The following ZMAT4 variants were observed in gnomAD, a reference collection of about 807,000 sequenced individuals.
ZMAT4 encodes the protein zinc finger matrin-type protein 4.
In ZMAT4, 17 loss-of-function variants were observed where a neutral mutation model predicts 28.7. The observed-to-expected ratio is 0.59, with a 90% CI of 0.41 to 0.89. The LOEUF is 0.89. ZMAT4 is among the 40% of genes least tolerant of loss of function. The pLI is 0.00. For synonymous variants in ZMAT4, 117 were observed against 109.2 expected, an observed-to-expected ratio of 1.07 and a Z score of -0.44; for missense variants, 240 against 283.8, an observed-to-expected ratio of 0.85 and a Z score of 1.11.
intron 3 of ZMAT4, among the ~76,000 whole-genome samples, chr8:40,705,010 T>C (rs1463343780): frequency 6.6e-6 from 1 of 152,224 alleles, no homozygotes; most frequent in African/African-American, 2.4e-5. Context: ...ATATATGCCC[T>C]GCTGTTTGGA....
intron 5 of ZMAT4, among the ~76,000 whole-genome samples, chr8:40,629,023 T>C (rs1036422359): frequency 6.8e-6 from 1 of 147,458 alleles, no homozygotes; most frequent in Non-Finnish European, 1.5e-5. Context: ...TTTTTTTTAA[T>C]GTCTTTATTC....
At chr8:40,550,739 T>C (rs1050799758) in intron 6 of ZMAT4, among the ~76,000 whole-genome samples, 2 of 152,130 alleles carry the variant, frequency 1.3e-5, no homozygotes, top group African/African-American at 4.8e-5. Context: ...CCTTCCACCA[T>C]GATTGTAAGT....
At chr8:40,682,379 T>C (rs1809210272) in intron 4 of ZMAT4, among the ~76,000 whole-genome samples, 2 of 152,210 alleles carry the variant, frequency 1.3e-5, no homozygotes, top group Non-Finnish European at 2.9e-5. Flanking sequence ...GAATATAATG[T>C]GAAAGTACCA....
chr8:40,616,000 T>C (rs1380822687), intron 5 of ZMAT4, among the ~76,000 whole-genome samples: 1 of 152,182 alleles, frequency 6.6e-6, no homozygotes, highest in Non-Finnish European at 1.5e-5. Flanking sequence ...GAAAAAGGGC[T>C]AATATCCAGA....
At chr8:40,704,388 T>C (rs1810268832) in intron 3 of ZMAT4, among the ~76,000 whole-genome samples, 1 of 152,190 alleles carries the variant, frequency 6.6e-6, no homozygotes, top group African/African-American at 2.4e-5. Context: ...TCTCTCCTCC[T>C]GACCTGTTTA....
At chr8:40,740,077 C>T (rs928120522) in intron 3 of ZMAT4, among the ~76,000 whole-genome samples, 1 of 152,176 alleles carries the variant, frequency 6.6e-6, no homozygotes, top group Non-Finnish European at 1.5e-5. Flanking sequence ...CAAGTCTTTG[C>T]TATTGTAAAT....
At chr8:40,827,166 C>T (rs1358799802) in intron 1 of ZMAT4, among the ~76,000 whole-genome samples, 1 of 152,126 alleles carries the variant, frequency 6.6e-6, no homozygotes, top group Admixed American at 6.5e-5. Flanking sequence ...AGGTCTGATG[C>T]TACCACATGG....
chr8:40,790,911 T>C (rs1490012898), intron 2 of ZMAT4, among the ~76,000 whole-genome samples: 1 of 152,222 alleles, frequency 6.6e-6, no homozygotes, highest in Non-Finnish European at 1.5e-5. Flanking sequence ...ATCAAGACAG[T>C]GTGGTATTAC....
chr8:40,764,456 G>A (rs1013967605), intron 3 of ZMAT4, among the ~76,000 whole-genome samples: 8 of 152,162 alleles, frequency 5.3e-5, no homozygotes, highest in South Asian at 2.1e-4. Context: ...CCTTCACTGC[G>A]TTTGTAAGTA....
intron 2 of ZMAT4, among the ~76,000 whole-genome samples, chr8:40,818,727 C>A (rs1324973930): frequency 1.3e-5 from 2 of 152,280 alleles, no homozygotes; most frequent in East Asian, 3.9e-4. Flanking sequence ...TACTCAAGTC[C>A]GGTTGGGGCA....
intron 1 of ZMAT4, among the ~76,000 whole-genome samples, chr8:40,891,222 G>GGAGAA (rs1818663478): frequency 8.3e-6 from 1 of 121,152 alleles, no homozygotes; most frequent in African/African-American, 3.1e-5. Flanking sequence ...GGAGAGGAGA[G>GGAGAA]GAGAAGACTT....
At chr8:40,534,169 C>T (rs1802777036) in intron 6 of ZMAT4, among the ~76,000 whole-genome samples, 1 of 152,000 alleles carries the variant, frequency 6.6e-6, no homozygotes, top group African/African-American at 2.4e-5. Flanking sequence ...TTTTTATAGT[C>T]ATTGTAATTA....
intron 2 of ZMAT4, among the ~76,000 whole-genome samples, chr8:40,785,969 T>A (rs1434273017): frequency 6.6e-6 from 1 of 152,090 alleles, no homozygotes; most frequent in African/African-American, 2.4e-5. Context: ...TATTTTTTTT[T>A]AAAGGAGAGA....
intron 1 of ZMAT4, among the ~76,000 whole-genome samples, chr8:40,869,973 C>T (rs1006015158): frequency 3.3e-5 from 5 of 152,162 alleles, no homozygotes; most frequent in Non-Finnish European, 7.3e-5. Context: ...GGACACACCA[C>T]CCCAAAATAT....
intron 6 of ZMAT4, among the ~76,000 whole-genome samples, chr8:40,556,471 T>A (rs1803540615): frequency 1.3e-5 from 2 of 152,150 alleles, no homozygotes; most frequent in Admixed American, 1.3e-4. Context: ...TACTCATCCC[T>A]CTCTCCAACT....
At chr8:40,801,498 T>C (rs908992677) in intron 2 of ZMAT4, among the ~76,000 whole-genome samples, 27 of 151,366 alleles carry the variant, frequency 1.8e-4, no homozygotes, top group African/African-American at 6.3e-4. Context: ...TGAAACCCTG[T>C]CTCTACTAAA....
At chr8:40,626,276 T>C (rs1447608251) in intron 5 of ZMAT4, among the ~76,000 whole-genome samples, 4 of 152,036 alleles carry the variant, frequency 2.6e-5, no homozygotes. Flanking sequence ...GCCCCGGAAG[T>C]GCAGCTAGTG....
intron 1 of ZMAT4, among the ~76,000 whole-genome samples, chr8:40,851,163 C>T (rs1275855953): frequency 6.6e-6 from 1 of 152,078 alleles, no homozygotes; most frequent in Non-Finnish European, 1.5e-5. Flanking sequence ...CCTGTCTCTG[C>T]TAAAAATATA....
chr8:40,818,875 G>A (rs1016419626), intron 2 of ZMAT4, among the ~76,000 whole-genome samples: 3 of 152,222 alleles, frequency 2.0e-5, no homozygotes, highest in African/African-American at 7.2e-5. Flanking sequence ...GTAACAAGAA[G>A]AAGGTATGAG....
Sources: gnomAD v4.1 joint callset for allele counts (sites outside exome capture counted in the v4.1 genomes callset) on GRCh38, gnomAD v4.1.1 for gene constraint, MANE v1.5 for transcripts, NCBI Gene and HGNC (gene_info 2026-07-23, HGNC 2026-07-21) for gene names.